The following GRM7 variants were observed in gnomAD, a reference collection of about 807,000 sequenced individuals.
GRM7 encodes metabotropic glutamate receptor 7.
Under a neutral mutation model 84.5 loss-of-function variants are expected in GRM7, and 35 were observed. The observed-to-expected ratio is 0.41, with a 90% CI of 0.32 to 0.55. The LOEUF (loss-of-function observed/expected upper bound fraction) is 0.55. Ranked by LOEUF, GRM7 falls within the 20% of genes least tolerant of loss-of-function variation. The probability of loss-of-function intolerance (pLI) is 0.19; values close to 1 mark genes in which losing one functional copy is unlikely to be tolerated. For synonymous variants in GRM7, 487 were observed against 455.1 expected, an observed-to-expected ratio of 1.07 and a Z score of -0.89; for missense variants, 1,003 against 1,194.6, an observed-to-expected ratio of 0.84 and a Z score of 2.36.
intron 1 of GRM7, among the ~76,000 whole-genome samples, chr3:7,071,750 A>G (rs1249676866): frequency 6.6e-6 from 1 of 152,076 alleles, no homozygotes; most frequent in African/African-American, 2.4e-5. Context: ...TGGATTAAAT[A>G]TTATTTTTGG....
At chr3:6,999,513 G>A (rs1280369635) in intron 1 of GRM7, among the ~76,000 whole-genome samples, 1 of 152,096 alleles carries the variant, frequency 6.6e-6, no homozygotes, top group Non-Finnish European at 1.5e-5. Context: ...CCTTATAGCA[G>A]CACCCCACTC....
chr3:7,590,617 G>A (rs1438462182), intron 8 of GRM7, among the ~76,000 whole-genome samples: 2 of 152,118 alleles, frequency 1.3e-5, no homozygotes, highest in African/African-American at 2.4e-5. Context: ...GGTCTTGCTG[G>A]TAGTATTTCT....
At chr3:6,908,440 G>C (rs555605293) in intron 1 of GRM7, among the ~76,000 whole-genome samples, 1 of 152,338 alleles carries the variant, frequency 6.6e-6, no homozygotes, top group African/African-American at 2.4e-5. Context: ...AGAGTGCCCT[G>C]AAAGGGCAGA....
intron 7 of GRM7, among the ~76,000 whole-genome samples, chr3:7,538,177 T>A (rs1692658851): frequency 6.6e-6 from 1 of 152,192 alleles, no homozygotes; most frequent in Non-Finnish European, 1.5e-5. Context: ...TGACACAATT[T>A]CAGCTCACTG....
chr3:7,477,085 A>G (rs779701), intron 7 of GRM7, among the ~76,000 whole-genome samples: 50,963 of 152,058 alleles, frequency 0.34, 8,689 homozygotes, highest in African/African-American at 0.39. Flanking sequence ...ATGCTTGAAA[A>G]TGAAAATGTA....
At chr3:7,008,281 A>C (rs1695251412) in intron 1 of GRM7, among the ~76,000 whole-genome samples, 1 of 152,200 alleles carries the variant, frequency 6.6e-6, no homozygotes, top group African/African-American at 2.4e-5. Context: ...GCATCAGTAG[A>C]AATTGTCAAG....
At chr3:6,992,670 T>C (rs1480612379) in intron 1 of GRM7, among the ~76,000 whole-genome samples, 1 of 151,956 alleles carries the variant, frequency 6.6e-6, no homozygotes, top group Non-Finnish European at 1.5e-5. Context: ...CAGTAAGGGA[T>C]AGAGACATGG....
intron 3 of GRM7, 65 bp downstream of exon 3, chr3:7,298,890 C>T: frequency 7.2e-7 from 1 of 1,398,136 alleles, no homozygotes; most frequent in Non-Finnish European, 1.0e-6. Context: ...AAAGATTAGG[C>T]TGCTGGCTGA....
At chr3:7,079,458 A>C (rs1698206542) in intron 1 of GRM7, among the ~76,000 whole-genome samples, 1 of 152,210 alleles carries the variant, frequency 6.6e-6, no homozygotes. Context: ...GGTAGGAATG[A>C]CTGTTAGAAT....
rs553695982 is a variant in GRM7, at chr3:7,524,136, C to T, written c.1516-54286C>T. Among the ~76,000 whole-genome samples, 29 of 151,726 alleles carry T rather than the reference C, an allele frequency of 1.9e-4. No individual in the cohort carries two copies. In the South Asian group the frequency reaches 5.2e-3, roughly 27 times the overall value. ...AAGTCAGATGGGTTAAAGACTTAAA[C>T]GTTAGACCTAAAACCATAAAAACCC... On this transcript the variant is annotated intron_variant, in intron 7 of 9. Coordinates refer to ENST00000357716, the MANE Select transcript of GRM7 (RefSeq NM_000844.4).
At chr3:7,511,123 T>G (rs1247238034) in intron 7 of GRM7, among the ~76,000 whole-genome samples, 4 of 152,130 alleles carry the variant, frequency 2.6e-5, no homozygotes, top group Non-Finnish European at 5.9e-5. Context: ...GTGACTCTGA[T>G]TACCCACATC....
intron 1 of GRM7, among the ~76,000 whole-genome samples, chr3:7,042,519 C>G (rs928567071): frequency 6.6e-6 from 1 of 151,738 alleles, no homozygotes; most frequent in African/African-American, 2.4e-5. Flanking sequence ...GTTTTCCCCC[C>G]ATTCTTTCTT....
chr3:7,316,620 A>C (rs527420442), intron 4 of GRM7, among the ~76,000 whole-genome samples: 5 of 152,286 alleles, frequency 3.3e-5, no homozygotes, highest in African/African-American at 1.2e-4. Context: ...GAGAGATGGA[A>C]TTATGATCAG....
intron 2 of GRM7, among the ~76,000 whole-genome samples, chr3:7,222,366 C>T (rs185417345): frequency 3.3e-5 from 5 of 152,024 alleles, no homozygotes; most frequent in East Asian, 1.9e-4. Context: ...CAACCCCCAC[C>T]GCGAACTGAC....
intron 8 of GRM7, among the ~76,000 whole-genome samples, chr3:7,581,070 C>T (rs1695227011): frequency 6.6e-6 from 1 of 152,072 alleles, no homozygotes; most frequent in Admixed American, 6.6e-5. Flanking sequence ...TCTTGGGGAA[C>T]ATAAAAAGGA....
chr3:6,947,454 C>T (rs1340538400), intron 1 of GRM7, among the ~76,000 whole-genome samples: 1 of 152,112 alleles, frequency 6.6e-6, no homozygotes, highest in Non-Finnish European at 1.5e-5. Flanking sequence ...ATTCGGTTTG[C>T]CAGTATTTTA....
intron 1 of GRM7, among the ~76,000 whole-genome samples, chr3:7,026,861 C>A (rs1259138441): frequency 6.6e-6 from 1 of 152,188 alleles, no homozygotes; most frequent in Non-Finnish European, 1.5e-5. Flanking sequence ...CAAAGTTACC[C>A]AAATTAACAT....
At position 7,231,081 on chromosome 3, in the gene GRM7, G is replaced by A. The variant is rs73809017; in HGVS notation, c.737-67603G>A. Among the ~76,000 whole-genome samples the A allele has an allele frequency of 6.9e-3, 1,053 of 152,216 alleles. 14 individuals carry two copies. The highest frequency in any genetic ancestry group is 0.024 in the African/African-American group (988 of 41,530). On this transcript the variant is annotated intron_variant, in intron 2 of 9. Coordinates refer to ENST00000357716, the MANE Select transcript of GRM7 (RefSeq NM_000844.4). Reference sequence around the variant, plus strand: ...TATGGGGAAGGAATTGGGTGGTAGGGAATTAGCTAGAGAAAGAGAAGAGGG... The same window carrying A: ...TATGGGGAAGGAATTGGGTGGTAGGAAATTAGCTAGAGAAAGAGAAGAGGG...
At chr3:6,873,079 A>G (rs1003882859) in intron 1 of GRM7, among the ~76,000 whole-genome samples, 1 of 152,016 alleles carries the variant, frequency 6.6e-6, no homozygotes, top group Non-Finnish European at 1.5e-5. Context: ...ACTCCCACCA[A>G]CATTTTTTTG....
Sources: allele counts gnomAD v4.1 joint callset (sites outside exome capture counted in the v4.1 genomes callset), GRCh38; gene constraint gnomAD v4.1.1; transcripts MANE v1.5; gene names NCBI Gene and HGNC (gene_info 2026-07-23, HGNC 2026-07-21).